Variants in SH3BGRL observed in about 807,000 individuals in gnomAD.
SH3BGRL encodes SH3 domain binding glutamate rich protein like.
SH3BGRL carries 7 observed loss-of-function variants against 9.8 expected under a neutral mutation model. The ratio of observed to expected loss-of-function variants is 0.72; its 90% CI spans 0.41 to 1.35. The LOEUF is 1.35. Ranked by LOEUF, SH3BGRL falls within the 40% of genes most tolerant of loss-of-function variation. SH3BGRL has a pLI of 0.01. For synonymous variants in SH3BGRL, 36 were observed against 29.1 expected (o/e 1.24, Z -0.76); for missense variants, 73 against 84.4 (o/e 0.86, Z 0.53).
intron 1 of SH3BGRL, among the ~76,000 whole-genome samples, chrX:81,243,766 AT>A (rs1236827794): frequency 9.0e-6 from 1 of 111,630 alleles, no homozygotes; most frequent in Non-Finnish European, 1.9e-5. Flanking sequence ...AGTCTTTTAC[AT>A]ATATTCTAAT....
In SH3BGRL at chrX:81,244,884, G is replaced by C. The variant is rs1367356370; in HGVS notation, c.46-32100G>C. Among the ~76,000 whole-genome samples the C allele has an allele frequency of 3.6e-5, 4 of 111,621 alleles. No individual in the cohort carries two copies. In the East Asian group the frequency reaches 1.1e-3, roughly 32 times the overall value. On this transcript the variant is annotated intron_variant, in intron 1 of 3. Transcript: ENST00000373212. ...AAAGATTCTTTCCTGTCCAGAAACA[G>C]AGGTCATTTTAGAACTTGGGGTTAG...
chrX:81,282,603 T>C (rs1052157141), intron 3 of SH3BGRL, among the ~76,000 whole-genome samples: 5 of 111,641 alleles, frequency 4.5e-5, no homozygotes, highest in African/African-American at 1.6e-4. Flanking sequence ...AAAATCAAGA[T>C]GGAAATTAAA....
At chrX:81,259,349 A>C (rs1348409034) in intron 1 of SH3BGRL, among the ~76,000 whole-genome samples, 1 of 111,827 alleles carries the variant, frequency 8.9e-6, no homozygotes, top group African/African-American at 3.2e-5. Flanking sequence ...ACAGACTATA[A>C]AATAATCATC....
Position 81,284,006 on chromosome X carries a change from C to T in SH3BGRL, c.312+5595C>T, listed in dbSNP as rs771284163. ...AAGATTAATATACACAAATCAGTAG[C>T]TCTTCTATACACCAACAGTGACCAA... is the stretch of plus-strand genomic sequence containing the variant. On this transcript the variant is annotated intron_variant, in intron 3 of 3. Coordinates refer to ENST00000373212, the MANE Select transcript of SH3BGRL (RefSeq NM_003022.3). Among the ~76,000 whole-genome samples, 19 of 110,364 alleles carry T rather than the reference C, an allele frequency of 1.7e-4. No homozygotes were observed. In the East Asian group the frequency reaches 4.8e-3, roughly 28 times the overall value.
intron 1 of SH3BGRL, chrX:81,237,078 A>T (rs1432202910): frequency 1.4e-5 from 13 of 918,835 alleles, no homozygotes; most frequent in Non-Finnish European, 1.8e-5. Context: ...AGAAAAGTCA[A>T]GTAATGTTAT....
chrX:81,219,977 C>G (rs2075595618), intron 1 of SH3BGRL, among the ~76,000 whole-genome samples: 1 of 111,362 alleles, frequency 9.0e-6, no homozygotes, highest in Non-Finnish European at 1.9e-5. Flanking sequence ...TCCACTTGGT[C>G]ATGATGAATG....
intron 1 of SH3BGRL, among the ~76,000 whole-genome samples, chrX:81,205,504 G>GTATA (rs34834268): frequency 0.031 from 2,667 of 85,057 alleles, 108 homozygotes; most frequent in African/African-American, 0.097. Context: ...GTGTGTGTGT[G>GTATA]TATATATATA....
chrX:81,210,872 C>T (rs1416846643), intron 1 of SH3BGRL, among the ~76,000 whole-genome samples: 4 of 112,201 alleles, frequency 3.6e-5, no homozygotes, highest in African/African-American at 1.3e-4. Flanking sequence ...TGGTCTGTTA[C>T]ATCAAGTGGA....
chrX:81,267,447 T>A (rs2075761312), intron 1 of SH3BGRL, among the ~76,000 whole-genome samples: 1 of 112,147 alleles, frequency 8.9e-6, no homozygotes, highest in Non-Finnish European at 1.9e-5. Context: ...AGGCCTTTTC[T>A]GCATCTATTG....
chrX:81,208,962 G>GT (rs1222657392), intron 1 of SH3BGRL, among the ~76,000 whole-genome samples: 1 of 106,740 alleles, frequency 9.4e-6, no homozygotes, highest in African/African-American at 3.5e-5. Flanking sequence ...ATGATGCTAG[G>GT]TTTTTTGTTG....
chrX:81,214,252 G>C (rs749463085), intron 1 of SH3BGRL, among the ~76,000 whole-genome samples: 2 of 111,588 alleles, frequency 1.8e-5, no homozygotes, highest in Non-Finnish European at 3.8e-5. Flanking sequence ...GAGAAAAGCG[G>C]TTTCAGTAGA....
intron 3 of SH3BGRL, among the ~76,000 whole-genome samples, chrX:81,295,027 C>T (rs113771023): frequency 0.093 from 10,406 of 111,994 alleles, 388 homozygotes; most frequent in South Asian, 0.21. Context: ...ATCGTTGTAT[C>T]TAGGAAGTAA....
chrX:81,214,350 A>G (rs1048499372), intron 1 of SH3BGRL, among the ~76,000 whole-genome samples: 3 of 111,703 alleles, frequency 2.7e-5, no homozygotes, highest in African/African-American at 9.8e-5. Context: ...ATATTTGACT[A>G]GTTTGGTGAG....
At chrX:81,239,937 T>C (rs1036632648) in intron 1 of SH3BGRL, among the ~76,000 whole-genome samples, 12 of 112,057 alleles carry the variant, frequency 1.1e-4, no homozygotes, top group African/African-American at 2.9e-4. Flanking sequence ...TTCTTCAAAC[T>C]TGAAGGAGAA....
At chrX:81,251,363 G>A (rs968228219) in intron 1 of SH3BGRL, among the ~76,000 whole-genome samples, 7 of 109,013 alleles carry the variant, frequency 6.4e-5, no homozygotes, top group African/African-American at 2.3e-4. Flanking sequence ...TGACTAGCTC[G>A]CTTCCGCTTT....
chrX:81,276,784 A>G (rs903959116), intron 1 of SH3BGRL, among the ~76,000 whole-genome samples, 200 bp from the exon 2 acceptor site: 1 of 111,818 alleles, frequency 8.9e-6, no homozygotes, highest in Non-Finnish European at 1.9e-5. Flanking sequence ...GAGAAATTCA[A>G]CTTGATAAAA....
intron 3 of SH3BGRL, among the ~76,000 whole-genome samples, chrX:81,282,934 A>T (rs1602627505): frequency 8.9e-6 from 1 of 112,611 alleles, no homozygotes; most frequent in East Asian, 2.8e-4. Flanking sequence ...AGATTAACCA[A>T]GAAAAGAATA....
intron 1 of SH3BGRL, among the ~76,000 whole-genome samples, chrX:81,232,396 G>GTGA (rs199805990): frequency 0.021 from 2,223 of 107,332 alleles, 39 homozygotes; most frequent in East Asian, 0.055. Context: ...TAGTGAATTA[G>GTGA]TGATGATGAT....
intron 1 of SH3BGRL, among the ~76,000 whole-genome samples, chrX:81,229,603 C>A (rs1013777242): frequency 9.0e-6 from 1 of 111,456 alleles, no homozygotes; most frequent in African/African-American, 3.3e-5. Context: ...GCCGGGCTGT[C>A]CTCTGACTGC....
Sources: allele counts gnomAD v4.1 joint callset (sites outside exome capture counted in the v4.1 genomes callset), GRCh38; gene constraint gnomAD v4.1.1; transcripts MANE v1.5; gene names NCBI Gene and HGNC (gene_info 2026-07-23, HGNC 2026-07-21).